Variants in MED1 observed in about 807,000 individuals in gnomAD.
MED1 encodes the protein mediator complex subunit 1.
In MED1, 17 loss-of-function variants were observed where a neutral mutation model predicts 121.3. The observed-to-expected ratio is 0.14, with a 90% CI of 0.10 to 0.21. The LOEUF is 0.21. MED1 is among the 10% of genes least tolerant of loss of function. The pLI is 1.00. For synonymous variants in MED1, 661 were observed against 694.4 expected (o/e 0.95, Z 0.76); for missense variants, 1,558 against 1,919.4 (o/e 0.81, Z 3.52).
Position 39,434,335 on chromosome 17 carries a change from G to A in MED1, c.429-15C>T. The A allele has an allele frequency of 7.3e-7, 1 of 1,369,188 alleles. No homozygotes were observed. The highest frequency in any genetic ancestry group is 1.0e-6 in the Non-Finnish European group (1 of 996,792). The allele number at this position is 1,369,188 out of a possible 1,614,324, so 84.8% of individuals were successfully genotyped here. A position where few individuals can be genotyped will look rare whatever the true frequency, so the allele number is the denominator to read the frequency against. On this transcript the variant is annotated splice_polypyrimidine_tract_variant and intron_variant, in intron 6 of 16. Transcript: ENST00000300651. ...AATTTTTTTCCCTATAAGGAGTTCA[G>A]GGAAGAGGGGAAAGAGAGGAAAATA...
intron 13 of MED1, 106 bp from the exon 14 acceptor site, chr17:39,420,024 CA>C: frequency 2.3e-6 from 2 of 855,568 alleles, no homozygotes; most frequent in Non-Finnish European, 3.6e-6. Flanking sequence ...GAAAAGTCTC[CA>C]CAGTGAATGT....
chr17:39,428,589 G>A (rs958618450), intron 9 of MED1, among the ~76,000 whole-genome samples: 5 of 151,852 alleles, frequency 3.3e-5, no homozygotes, highest in Non-Finnish European at 5.9e-5. Flanking sequence ...AGCCGTGATT[G>A]TGCCACTGCA....
At chr17:39,442,677 T>C (rs1026891341) in intron 3 of MED1, among the ~76,000 whole-genome samples, 121 of 144,192 alleles carry the variant, frequency 8.4e-4, no homozygotes, top group African/African-American at 2.9e-3. Flanking sequence ...GAGGCCAAGG[T>C]GGGCAGATCA....
chr17:39,443,760 G>C (rs1056612142), intron 2 of MED1, 132 bp from the exon 3 acceptor site: 1 of 688,170 alleles, frequency 1.5e-6, no homozygotes, highest in Non-Finnish European at 2.5e-6. Flanking sequence ...AGATTTTGTA[G>C]ACTATATAGA....
intron 10 of MED1, 137 bp downstream of exon 10, chr17:39,427,564 T>A: frequency 1.6e-6 from 1 of 610,226 alleles, no homozygotes; most frequent in East Asian, 2.8e-5. Context: ...TGAACACACA[T>A]ATACGTGTGT....
At chr17:39,435,086 T>C (rs534908816) in intron 6 of MED1, among the ~76,000 whole-genome samples, 1 of 152,136 alleles carries the variant, frequency 6.6e-6, no homozygotes, top group East Asian at 1.9e-4. Context: ...GAGAACAGCA[T>C]GAACCAAGAA....
Position 39,405,608 on chromosome 17 carries a change from C to A in MED1, c.*1867G>T. 2 of 1,160,966 alleles carry A rather than the reference C, an allele frequency of 1.7e-6. No homozygotes were observed. Among genetic ancestry groups the A allele is most frequent in the Non-Finnish European group, 2.1e-6 (2 of 939,176 alleles). 71.9% of individuals were successfully genotyped at this position (1,160,966 alleles called of 1,614,324 possible). Reference sequence around the variant, plus strand: ...CACTCTGGTATCACCTGCCCATATCCTCCTTAGTGTCACCCAAGACATTTG... The same window carrying A: ...CACTCTGGTATCACCTGCCCATATCATCCTTAGTGTCACCCAAGACATTTG... On this transcript the variant is annotated 3_prime_UTR_variant, in exon 17 of 17. Coordinates refer to ENST00000300651, the MANE Select transcript of MED1 (RefSeq NM_004774.4).
At chr17:39,422,510 C>T (rs1162904732) in intron 13 of MED1, among the ~76,000 whole-genome samples, 1 of 120,904 alleles carries the variant, frequency 8.3e-6, no homozygotes, top group Non-Finnish European at 1.6e-5. Context: ...GAATTTCGCT[C>T]TTGTTGCCCA....
At chr17:39,420,097 T>C (rs2048446813) in intron 13 of MED1, among the ~76,000 whole-genome samples, 179 bp from the exon 14 acceptor site, 2 of 152,204 alleles carry the variant, frequency 1.3e-5, no homozygotes, top group South Asian at 4.1e-4. Context: ...GATGTCTTTT[T>C]AGTAAATGCA....
In MED1 at chr17:39,438,886, T is replaced by C. The variant is rs190998648; in HGVS notation, c.428+279A>G. The stretch of plus-strand genomic sequence containing the variant: ...ATCGCTTGAACCCAGGAGGCAGAGG[T>C]TGCAGTGAGCTGAGATCGCGCCACT... On this transcript the variant is annotated intron_variant, in intron 6 of 16. Transcript: ENST00000300651. Among the ~76,000 whole-genome samples, 1,402 of 152,200 alleles carry C rather than the reference T, an allele frequency of 9.2e-3. 19 individuals carry two copies. Among genetic ancestry groups the C allele is most frequent in the African/African-American group, 0.032 (1,324 of 41,536 alleles).
chr17:39,409,740 T>C lies in MED1; in HGVS notation c.2481A>G (p.Gln827=). Residue 827 remains glutamine (Q), a synonymous_variant, in exon 17 of 17, where the codon CAA becomes CAG. Coordinates refer to ENST00000300651, the MANE Select transcript of MED1 (RefSeq NM_004774.4). The part of the protein sequence containing the change: ...QSTLFDSDVF[Q]TNNNENPYTD... ...TGTATGGATTTTCATTATTGTTAGT[T>C]TGAAAGACATCAGAGTCAAACAGGG... The C allele has an allele frequency of 1.2e-6, 2 of 1,614,134 alleles. No homozygotes were observed. Among genetic ancestry groups the C allele is most frequent in the Non-Finnish European group, 1.7e-6 (2 of 1,180,034 alleles).
intron 16 of MED1, 98 bp downstream of exon 16, chr17:39,414,928 A>G: frequency 1.9e-6 from 2 of 1,069,022 alleles, no homozygotes; most frequent in Non-Finnish European, 2.9e-6. Flanking sequence ...TCGGCCTCCC[A>G]AAGTGTGGGG....
chr17:39,432,632 T>C (rs1487883749), intron 7 of MED1, among the ~76,000 whole-genome samples: 3 of 151,158 alleles, frequency 2.0e-5, no homozygotes. Flanking sequence ...CATGCGCCTG[T>C]AGTCCCAGCT....
At chr17:39,439,325 TAA>T in intron 5 of MED1, 132 bp from the exon 6 acceptor site, 1 of 603,616 alleles carries the variant, frequency 1.7e-6, no homozygotes, top group Non-Finnish European at 2.7e-6. Flanking sequence ...GTCCTCATAT[TAA>T]AATATTAAAA....
chr17:39,409,087 C>T lies in MED1; in HGVS notation c.3134G>A (p.Ser1045Asn), dbSNP rs1446794614. The T allele has an allele frequency of 1.2e-6, 2 of 1,614,170 alleles. No homozygotes were observed. Among genetic ancestry groups the T allele is most frequent in the East Asian group, 2.2e-5 (1 of 44,882 alleles). Residue 1045 changes from serine to asparagine, a missense_variant, in exon 17 of 17, where the codon AGT (serine) becomes AAT (asparagine). Around this residue, in one of 5 missense-constraint regions of MED1, gnomAD observed 793 missense variants for 898.2 expected, o/e 0.88. Transcript: ENST00000300651. The stretch of plus-strand genomic sequence containing the variant: ...TGGGGGAGTCTGAGATCTTCCTGCA[C>T]TGCCTGGCGATTTAGATCCACCTGT... ...TSTGGSKSPG[S>N]AGRSQTPPGV...
chr17:39,407,332 C>G lies in MED1; in HGVS notation c.*143G>C. 1.4e-6 allele frequency: 2 copies of G among 1,414,712 alleles called. No individual in the cohort carries two copies. The highest frequency in any genetic ancestry group is 1.8e-6 in the Non-Finnish European group (2 of 1,089,008). 87.6% of individuals were successfully genotyped at this position (1,414,712 alleles called of 1,614,324 possible). A position where few individuals can be genotyped will look rare whatever the true frequency, so the allele number is the denominator to read the frequency against. ...AGGGTCTGGATATGCCTTTCTAATTCACCCAGCTTGATGTCAAAGCCATGC... is the reference window on the plus strand; with the variant it reads ...AGGGTCTGGATATGCCTTTCTAATTGACCCAGCTTGATGTCAAAGCCATGC... On this transcript the variant is annotated 3_prime_UTR_variant, in exon 17 of 17. Coordinates refer to ENST00000300651, the MANE Select transcript of MED1 (RefSeq NM_004774.4).
chr17:39,442,967 T>C (rs1035406534), intron 3 of MED1, among the ~76,000 whole-genome samples: 3 of 140,696 alleles, frequency 2.1e-5, no homozygotes, highest in African/African-American at 2.6e-5. Flanking sequence ...GAAATAAATG[T>C]GAAGGGAAAA....
At chr17:39,431,526 G>A (rs987217454) in intron 8 of MED1, among the ~76,000 whole-genome samples, 44 of 152,204 alleles carry the variant, frequency 2.9e-4, no homozygotes, top group African/African-American at 6.7e-4. Flanking sequence ...TGATCCGCCC[G>A]CCTCGGCCTC....
chr17:39,420,681 A>G (rs2048454084), intron 13 of MED1, among the ~76,000 whole-genome samples: 1 of 151,830 alleles, frequency 6.6e-6, no homozygotes. Flanking sequence ...ATTACCCAGG[A>G]TGGAGTACAA....
Sources: gnomAD v4.1 joint callset for allele counts (sites outside exome capture counted in the v4.1 genomes callset) on GRCh38, gnomAD v4.1.1 for gene constraint, gnomAD v4.1.1 regional missense constraint, MANE v1.5 for transcripts, NCBI Gene and HGNC (gene_info 2026-07-23, HGNC 2026-07-21) for gene names.